Variants in GTF2F2 observed in about 807,000 individuals in gnomAD.
GTF2F2 encodes the protein general transcription factor IIF subunit 2, also known as ATP-dependent helicase GTF2F2.
Under a neutral mutation model 42.2 loss-of-function variants are expected in GTF2F2, and 23 were observed. The ratio of observed to expected loss-of-function variants is 0.55; its 90% CI spans 0.39 to 0.77. GTF2F2 has a LOEUF of 0.77. Ranked by LOEUF, GTF2F2 falls within the 30% of genes least tolerant of loss-of-function variation. The pLI, the probability that GTF2F2 is intolerant of heterozygous loss-of-function variation, is 0.00. For synonymous variants in GTF2F2, 105 were observed against 100.8 expected (o/e 1.04, Z -0.25); for missense variants, 261 against 287.2 (o/e 0.91, Z 0.66).
intron 4 of GTF2F2, among the ~76,000 whole-genome samples, chr13:45,203,333 C>T (rs964618290): frequency 6.6e-6 from 1 of 151,878 alleles, no homozygotes; most frequent in Admixed American, 6.6e-5. Context: ...GATCTGCCCT[C>T]CTCGGCTTCC....
chr13:45,207,333 T>G, intron 4 of GTF2F2, 91 bp from the exon 5 acceptor site: 1 of 710,070 alleles, frequency 1.4e-6, no homozygotes, highest in South Asian at 1.8e-5. Flanking sequence ...TTAATTATAT[T>G]TGATTGTCAT....
chr13:45,260,592 A>G (rs920972997), intron 6 of GTF2F2, among the ~76,000 whole-genome samples: 19 of 152,388 alleles, frequency 1.2e-4, no homozygotes, highest in African/African-American at 4.3e-4. Context: ...AGAAGTTTAT[A>G]GATGTCTGTA....
intron 5 of GTF2F2, among the ~76,000 whole-genome samples, chr13:45,223,011 C>CT (rs1026154868): frequency 1.2e-4 from 18 of 152,170 alleles, no homozygotes; most frequent in Non-Finnish European, 2.2e-4. Context: ...GTGCAGTATT[C>CT]TATCAGTTAT....
intron 5 of GTF2F2, among the ~76,000 whole-genome samples, chr13:45,224,564 A>G (rs1874250041): frequency 6.6e-6 from 1 of 152,196 alleles, no homozygotes; most frequent in African/African-American, 2.4e-5. Context: ...AATATGTAGA[A>G]TATCTCATTT....
At position 45,260,090 on chromosome 13, in the gene GTF2F2, G is replaced by C. The variant is rs115622626; in HGVS notation, c.486+7120G>C. Among the ~76,000 whole-genome samples the C allele has an allele frequency of 5.6e-3, 850 of 152,138 alleles. 9 individuals are homozygous for C. Among genetic ancestry groups the C allele is most frequent in the African/African-American group, 0.019 (794 of 41,510 alleles). ...AAAGAAAAGCTTACTTAGTAAACTG[G>C]TTGTTGAGGTAAACCCCCAGGAACT... On this transcript the variant is annotated intron_variant, in intron 6 of 7. Coordinates refer to ENST00000340473, the MANE Select transcript of GTF2F2 (RefSeq NM_004128.3).
intron 7 of GTF2F2, among the ~76,000 whole-genome samples, chr13:45,271,579 G>A (rs1876796125): frequency 6.6e-6 from 1 of 151,458 alleles, no homozygotes; most frequent in African/African-American, 2.4e-5. Flanking sequence ...TTGAGACAGA[G>A]TCTTGCTCTG....
At chr13:45,194,337 A>G in intron 4 of GTF2F2, 1 of 1,614,190 alleles carries the variant, frequency 6.2e-7, no homozygotes, top group East Asian at 2.2e-5. Flanking sequence ...TGTCTATGAA[A>G]TAATGACCAT....
intron 7 of GTF2F2, among the ~76,000 whole-genome samples, chr13:45,280,012 C>A (rs1441969528): frequency 6.7e-6 from 1 of 150,254 alleles, no homozygotes; most frequent in Non-Finnish European, 1.5e-5. Flanking sequence ...GAAGGTTGTG[C>A]GGTGTGAAAT....
Position 45,120,701 on chromosome 13 carries a change from A to T in GTF2F2, c.46A>T (p.Thr16Ser). 6.4e-7 allele frequency: 1 copy of T among 1,560,976 alleles called. No individual in the cohort carries two copies. The highest frequency in any genetic ancestry group is 8.7e-7 in the Non-Finnish European group (1 of 1,151,384). ...CGACTTGACCGGCGCCAAACAGAAC[A>T]CAGGAGTGTGGCTAGTCAAGGTAAT... ...ELDLTGAKQN[T>S]GVWLVKVPKY... The change falls in exon 1 of 8, where the codon ACA (threonine) becomes TCA (serine). Residue 16 changes from threonine (T) to serine (S), a missense_variant. Coordinates refer to ENST00000340473, the MANE Select transcript of GTF2F2 (RefSeq NM_004128.3).
chr13:45,254,774 C>G (rs1203630979), intron 6 of GTF2F2, among the ~76,000 whole-genome samples: 4 of 152,138 alleles, frequency 2.6e-5, no homozygotes, highest in Admixed American at 2.6e-4. Context: ...AATAAAATAC[C>G]TAAGTTAAGT....
intron 1 of GTF2F2, among the ~76,000 whole-genome samples, chr13:45,133,291 A>C (rs1472476874): frequency 6.6e-6 from 1 of 152,120 alleles, no homozygotes; most frequent in Non-Finnish European, 1.5e-5. Context: ...AGTCAAAGTG[A>C]GGTGGGAAGT....
At chr13:45,262,003 A>G (rs1876361694) in intron 6 of GTF2F2, among the ~76,000 whole-genome samples, 9 of 152,194 alleles carry the variant, frequency 5.9e-5, no homozygotes, top group Admixed American at 5.9e-4. Flanking sequence ...ATAATTACAC[A>G]TACACTGGAA....
At chr13:45,135,551 C>T (rs1869577289) in intron 1 of GTF2F2, among the ~76,000 whole-genome samples, 1 of 152,228 alleles carries the variant, frequency 6.6e-6, no homozygotes, top group African/African-American at 2.4e-5. Context: ...AGCCACCGCG[C>T]CCAGCCCTGT....
chr13:45,232,028 T>C (rs1358926050), intron 5 of GTF2F2, among the ~76,000 whole-genome samples: 1 of 152,232 alleles, frequency 6.6e-6, no homozygotes, highest in Non-Finnish European at 1.5e-5. Flanking sequence ...TTAAATTTGC[T>C]GAATAGAAGT....
At chr13:45,245,669 ATATATATAT>A (rs1875553564) in intron 5 of GTF2F2, among the ~76,000 whole-genome samples, 2 of 31,146 alleles carry the variant, frequency 6.4e-5, no homozygotes, top group South Asian at 1.6e-3. Context: ...TGGTGTGAAT[ATATATATAT>A]ATATATATAT....
chr13:45,186,345 G>A (rs1341338089), intron 4 of GTF2F2, among the ~76,000 whole-genome samples: 2 of 148,930 alleles, frequency 1.3e-5, no homozygotes, highest in Admixed American at 1.3e-4. Flanking sequence ...AAACTGGAGT[G>A]TAATAGCTCG....
intron 4 of GTF2F2, among the ~76,000 whole-genome samples, chr13:45,181,774 T>C (rs1422779548): frequency 1.3e-5 from 2 of 152,108 alleles, no homozygotes; most frequent in Admixed American, 6.5e-5. Flanking sequence ...AAGCATTGTC[T>C]TTTGGGTTGC....
intron 4 of GTF2F2, among the ~76,000 whole-genome samples, chr13:45,183,427 A>G (rs1872257865): frequency 6.6e-6 from 1 of 152,114 alleles, no homozygotes; most frequent in African/African-American, 2.4e-5. Flanking sequence ...TGCTGGAGTT[A>G]CTACTGTCAT....
chr13:45,251,968 G>A (rs867147775), intron 5 of GTF2F2, among the ~76,000 whole-genome samples: 6 of 152,096 alleles, frequency 3.9e-5, no homozygotes, highest in African/African-American at 1.2e-4. Context: ...TAAATTTACT[G>A]TGCTGATATA....
Sources: allele counts gnomAD v4.1 joint callset (sites outside exome capture counted in the v4.1 genomes callset), GRCh38; gene constraint gnomAD v4.1.1; transcripts MANE v1.5; gene names NCBI Gene and HGNC (gene_info 2026-07-23, HGNC 2026-07-21).